Variants in PHLDB2 observed in about 807,000 individuals in gnomAD.
PHLDB2 encodes pleckstrin homology like domain family B member 2.
Under a neutral mutation model 123.6 loss-of-function variants are expected in PHLDB2, and 71 were observed. The observed-to-expected ratio is 0.57, with a 90% CI of 0.47 to 0.70. The LOEUF (loss-of-function observed/expected upper bound fraction) is 0.70, where lower values mean the gene tolerates loss of function less well. Ranked by LOEUF, PHLDB2 falls within the 30% of genes least tolerant of loss-of-function variation. The pLI, the probability that PHLDB2 is intolerant of heterozygous loss-of-function variation, is 0.00. For synonymous variants in PHLDB2, 547 were observed against 541.6 expected (o/e 1.01, Z -0.14); for missense variants, 1,446 against 1,519.5 (o/e 0.95, Z 0.80).
At chr3:111,933,277 A>T (rs559038434) in intron 6 of PHLDB2, among the ~76,000 whole-genome samples, 2 of 152,208 alleles carry the variant, frequency 1.3e-5, no homozygotes, top group African/African-American at 2.4e-5. Flanking sequence ...TTAACAATTT[A>T]TGATTCTACC....
intron 2 of PHLDB2, among the ~76,000 whole-genome samples, chr3:111,891,945 C>T (rs1394417894): frequency 6.6e-6 from 1 of 152,140 alleles, no homozygotes; most frequent in African/African-American, 2.4e-5. Flanking sequence ...GCATCTTGTT[C>T]TTTTGTGGAG....
intron 13 of PHLDB2, among the ~76,000 whole-genome samples, chr3:111,965,992 G>A (rs1184259864): frequency 6.6e-6 from 1 of 152,130 alleles, no homozygotes; most frequent in Admixed American, 6.6e-5. Context: ...TTGGTATCAT[G>A]AGGGGGTACT....
chr3:111,922,187 T>C (rs1186623792), intron 5 of PHLDB2, among the ~76,000 whole-genome samples: 4 of 152,256 alleles, frequency 2.6e-5, no homozygotes, highest in Non-Finnish European at 5.9e-5. Context: ...ATGTTCCCTG[T>C]GAACCCTCCT....
intron 2 of PHLDB2, chr3:111,846,500 G>A (rs2063990631): frequency 6.6e-6 from 1 of 152,588 alleles, no homozygotes; most frequent in African/African-American, 2.4e-5. Flanking sequence ...TAACCAGAAG[G>A]CTGAGGGATA....
At chr3:111,958,933 C>A (rs1159371757) in intron 12 of PHLDB2, among the ~76,000 whole-genome samples, 1 of 152,212 alleles carries the variant, frequency 6.6e-6, no homozygotes, top group Non-Finnish European at 1.5e-5. Flanking sequence ...CATTCAGTGA[C>A]TGTTTATCTT....
chr3:111,940,172 G>A (rs1191814643), intron 7 of PHLDB2, among the ~76,000 whole-genome samples: 1 of 152,066 alleles, frequency 6.6e-6, no homozygotes, highest in Non-Finnish European at 1.5e-5. Flanking sequence ...GACAAGAGAA[G>A]GTGTTTTCTT....
At chr3:111,736,918 A>C (rs778881814) in intron 1 of PHLDB2, among the ~76,000 whole-genome samples, 4 of 152,352 alleles carry the variant, frequency 2.6e-5, no homozygotes, top group Middle Eastern at 3.4e-3. Context: ...TCTTCTAATC[A>C]GTTGTGTGCC....
At chr3:111,943,613 G>A (rs973933460) in intron 8 of PHLDB2, among the ~76,000 whole-genome samples, 4 of 151,964 alleles carry the variant, frequency 2.6e-5, no homozygotes, top group Admixed American at 6.6e-5. Flanking sequence ...ACCAAAGAAC[G>A]TATATGAAGA....
intron 6 of PHLDB2, 36 bp downstream of exon 6, chr3:111,932,433 T>G: frequency 2.0e-6 from 3 of 1,524,972 alleles, no homozygotes; most frequent in Non-Finnish European, 1.8e-6. Flanking sequence ...GTTATTTTGC[T>G]TTTCGTTTTT....
In PHLDB2 at chr3:111,900,102, C is replaced by G. The variant is rs995071656; in HGVS notation, c.1336-13217C>G. ...TCTGCAGCTTCTTCACCTCATTTAG[C>G]CTTCATAGAACTGAAGAGAGTTAGG... On this transcript the variant is annotated intron_variant, in intron 2 of 17. Coordinates refer to ENST00000431670, the MANE Select transcript of PHLDB2 (RefSeq NM_001134438.2). 7.2e-5 allele frequency among the ~76,000 whole-genome samples: 11 copies of G among 152,332 alleles called. No homozygotes were observed. The East Asian group carries it at 7.7e-4, about 11-fold the overall frequency.
At chr3:111,810,493 C>T (rs973485457) in intron 1 of PHLDB2, among the ~76,000 whole-genome samples, 10 of 152,172 alleles carry the variant, frequency 6.6e-5, no homozygotes, top group South Asian at 4.1e-4. Flanking sequence ...TGTGTGCTCA[C>T]ATGATCTTTC....
At chr3:111,876,239 G>A (rs748427711) in intron 1 of PHLDB2, among the ~76,000 whole-genome samples, 4 of 152,162 alleles carry the variant, frequency 2.6e-5, no homozygotes, top group African/African-American at 4.8e-5. Flanking sequence ...GCTAGTGACA[G>A]AGGAGACCAA....
At chr3:111,940,112 G>T (rs2069771108) in intron 7 of PHLDB2, among the ~76,000 whole-genome samples, 1 of 151,802 alleles carries the variant, frequency 6.6e-6, no homozygotes, top group African/African-American at 2.4e-5. Flanking sequence ...CCAGAATTTA[G>T]AATCATACCC....
At chr3:111,901,511 A>C (rs2067203088) in intron 2 of PHLDB2, among the ~76,000 whole-genome samples, 1 of 132,586 alleles carries the variant, frequency 7.5e-6, no homozygotes, top group Non-Finnish European at 1.7e-5. Context: ...TTCTTTATGC[A>C]TTAAAAAAAA....
At chr3:111,748,191 GC>G (rs2059710845) in intron 1 of PHLDB2, among the ~76,000 whole-genome samples, 1 of 152,134 alleles carries the variant, frequency 6.6e-6, no homozygotes, top group Non-Finnish European at 1.5e-5. Context: ...TGTTTAAGAG[GC>G]TACCATTGGC....
chr3:111,915,742 T>TTGCTATAGTGACCA (rs1317365668), intron 3 of PHLDB2: 1 of 152,298 alleles, frequency 6.6e-6, no homozygotes, highest in African/African-American at 2.4e-5. Flanking sequence ...TCCCTTCTTT[T>TTGCTATAGTGACCA]TGCTATAGTG....
upstream of PHLDB2, among the ~76,000 whole-genome samples, chr3:111,857,004 C>T (rs2064540827): frequency 6.6e-6 from 1 of 152,036 alleles, no homozygotes; most frequent in Admixed American, 6.5e-5. Flanking sequence ...TGAACAGGGT[C>T]TTGAAGGAAG....
At chr3:111,971,304 A>G (rs4682326) in intron 16 of PHLDB2, among the ~76,000 whole-genome samples, 36,436 of 152,024 alleles carry the variant, frequency 0.24, 4,660 homozygotes, top group Non-Finnish European at 0.28. Flanking sequence ...GTTCTCTGTG[A>G]GCCTTATTTC....
At chr3:111,951,177 G>A (rs992308136) in intron 10 of PHLDB2, among the ~76,000 whole-genome samples, 9 of 152,166 alleles carry the variant, frequency 5.9e-5, no homozygotes, top group Non-Finnish European at 1.3e-4. Flanking sequence ...CAGCCAAACT[G>A]CAAAGTATTA....
Sources: allele counts gnomAD v4.1 joint callset (sites outside exome capture counted in the v4.1 genomes callset), GRCh38; gene constraint gnomAD v4.1.1; transcripts MANE v1.5; gene names NCBI Gene and HGNC (gene_info 2026-07-23, HGNC 2026-07-21).